Variants in TMC1 observed in about 807,000 individuals in gnomAD.
TMC1 encodes the protein transmembrane channel like 1, also known as transmembrane channel-like protein 1.
In TMC1, 84 loss-of-function variants were observed where a neutral mutation model predicts 105.8. The ratio of observed to expected loss-of-function variants is 0.79; its 90% CI spans 0.67 to 0.95. The LOEUF (loss-of-function observed/expected upper bound fraction) is 0.95. Ranked by LOEUF, TMC1 falls within the 40% of genes least tolerant of loss-of-function variation. The probability of loss-of-function intolerance (pLI) is 0.00; values close to 1 mark genes in which losing one functional copy is unlikely to be tolerated. For missense variants in TMC1, 817 were observed against 914.1 expected (o/e 0.89, Z 1.37); for synonymous variants, 315 against 311.5 (o/e 1.01, Z -0.12).
intron 2 of TMC1, among the ~76,000 whole-genome samples, chr9:72,581,917 A>G (rs1344546172): frequency 6.6e-6 from 1 of 152,176 alleles, no homozygotes; most frequent in African/African-American, 2.4e-5. Context: ...AAACAGTGCT[A>G]TCAGTTTTCA....
chr9:72,575,048 C>G (rs1195191135), intron 1 of TMC1, among the ~76,000 whole-genome samples: 1 of 152,112 alleles, frequency 6.6e-6, no homozygotes, highest in Non-Finnish European at 1.5e-5. Flanking sequence ...CATGCTTTCC[C>G]TCCCAGCCCC....
At chr9:72,574,911 C>T (rs1398404035) in intron 1 of TMC1, among the ~76,000 whole-genome samples, 1 of 152,108 alleles carries the variant, frequency 6.6e-6, no homozygotes, top group Non-Finnish European at 1.5e-5. Context: ...GCTTAGGCTC[C>T]TAGAAAGTCA....
At chr9:72,825,702 G>T (rs1188434148) in intron 20 of TMC1, among the ~76,000 whole-genome samples, 1 of 152,142 alleles carries the variant, frequency 6.6e-6, no homozygotes, top group Non-Finnish European at 1.5e-5. Context: ...ATTCCATCTG[G>T]CTGGGGCTGC....
In TMC1 at chr9:72,620,065, C is replaced by T. The variant is rs140271856; in HGVS notation, c.-196+3588C>T. Among the ~76,000 whole-genome samples the T allele has an allele frequency of 1.1e-3, 165 of 151,968 alleles. 1 individual carries two copies. The highest frequency in any genetic ancestry group is 3.7e-3 in the African/African-American group (154 of 41,426). ...GGCCAGGATAGTCTCAATCTCTTGA[C>T]CTTGGAATCCACCCACCTCACCCTC... On this transcript the variant is annotated intron_variant, in intron 3 of 23. Transcript: ENST00000297784.
At chr9:72,673,929 G>A (rs1826163620) in intron 5 of TMC1, among the ~76,000 whole-genome samples, 1 of 152,116 alleles carries the variant, frequency 6.6e-6, no homozygotes, top group Non-Finnish European at 1.5e-5. Flanking sequence ...TGAGGCCAGT[G>A]CTACTCTATC....
intron 18 of TMC1, among the ~76,000 whole-genome samples, chr9:72,806,753 G>C (rs1468114053): frequency 6.6e-6 from 1 of 150,774 alleles, no homozygotes; most frequent in Non-Finnish European, 1.5e-5. Flanking sequence ...GATGGCGGCC[G>C]GGCGGAGACG....
At chr9:72,552,977 A>G (rs1474170917) in intron 1 of TMC1, among the ~76,000 whole-genome samples, 6 of 152,006 alleles carry the variant, frequency 3.9e-5, no homozygotes. Flanking sequence ...AATTATATAT[A>G]TAATTTTTTT....
chr9:72,560,591 C>T (rs1824027278), intron 1 of TMC1, among the ~76,000 whole-genome samples: 2 of 152,038 alleles, frequency 1.3e-5, no homozygotes, highest in South Asian at 2.1e-4. Context: ...CTCTGCCTCC[C>T]GGGTTCAAGT....
chr9:72,719,099 A>G (rs1826971580), intron 8 of TMC1, among the ~76,000 whole-genome samples: 1 of 152,170 alleles, frequency 6.6e-6, no homozygotes, highest in African/African-American at 2.4e-5. Context: ...AGTAGGGCTG[A>G]GAACTTGCCC....
intron 5 of TMC1, among the ~76,000 whole-genome samples, chr9:72,683,357 G>A (rs1185297861): frequency 6.6e-6 from 1 of 151,970 alleles, no homozygotes; most frequent in Non-Finnish European, 1.5e-5. Context: ...GCATACACAT[G>A]TGTAATTTTC....
At chr9:72,587,303 C>T (rs1436669991) in intron 2 of TMC1, among the ~76,000 whole-genome samples, 1 of 152,050 alleles carries the variant, frequency 6.6e-6, no homozygotes, top group Non-Finnish European at 1.5e-5. Flanking sequence ...GGATTACAGG[C>T]ATGCGCCACC....
intron 4 of TMC1, among the ~76,000 whole-genome samples, chr9:72,640,120 T>TTGTGAC (rs1326868645): frequency 2.0e-5 from 3 of 152,238 alleles, no homozygotes; most frequent in Non-Finnish European, 4.4e-5. Flanking sequence ...GGTAATGTCT[T>TTGTGAC]TGTGACTGTC....
chr9:72,800,459 T>C (rs940638959), intron 17 of TMC1, among the ~76,000 whole-genome samples: 4 of 152,210 alleles, frequency 2.6e-5, no homozygotes, highest in Non-Finnish European at 5.9e-5. Flanking sequence ...GAGTAGGATC[T>C]GGGCTGGCCA....
chr9:72,733,179 A>G (rs1278649012), intron 8 of TMC1, among the ~76,000 whole-genome samples: 1 of 149,354 alleles, frequency 6.7e-6, no homozygotes, highest in Non-Finnish European at 1.5e-5. Context: ...TCTACAGATT[A>G]TCTTCTGCTT....
rs768044919 is a variant in TMC1 at position 72,746,141 on chromosome 9, C to T, written c.535+3616C>T. Among the ~76,000 whole-genome samples the T allele has an allele frequency of 3.7e-4, 57 of 152,240 alleles. 1 individual carries two copies. The highest frequency in any genetic ancestry group is 3.4e-3 in the Middle Eastern group (1 of 292). ...ATAGAATACATATTTAATTATAAAA[C>T]GGATATAAATGCTTTTCTCTTAAAT... On this transcript the variant is annotated intron_variant, in intron 10 of 23. Coordinates refer to ENST00000297784, the MANE Select transcript of TMC1 (RefSeq NM_138691.3).
Position 72,628,033 on chromosome 9 carries a change from G to C in TMC1, c.-83G>C, listed in dbSNP as rs1413443032. The C allele has an allele frequency of 4.4e-6, 2 of 455,626 alleles. No individual in the cohort carries two copies. The highest frequency in any genetic ancestry group is 4.0e-5 in the African/African-American group (2 of 50,006). 28.2% of individuals were successfully genotyped at this position (455,626 alleles called of 1,614,324 possible). ...AGGAACTGTCCACGTGGAGTGGTCTGGTGAATGCTTAAGGAGCTGCAGAAG... is the reference window on the plus strand; with the variant it reads ...AGGAACTGTCCACGTGGAGTGGTCTCGTGAATGCTTAAGGAGCTGCAGAAG... On this transcript the variant is annotated 5_prime_UTR_variant, in exon 4 of 24. Coordinates refer to ENST00000297784, the MANE Select transcript of TMC1 (RefSeq NM_138691.3).
intron 1 of TMC1, among the ~76,000 whole-genome samples, chr9:72,541,718 C>T (rs776712971): frequency 1.3e-5 from 2 of 150,938 alleles, no homozygotes; most frequent in Non-Finnish European, 2.9e-5. Flanking sequence ...AGAAGCTTTC[C>T]AGGGTGGTCT....
chr9:72,827,264 G>C (rs982426954), intron 21 of TMC1, among the ~76,000 whole-genome samples: 49 of 152,150 alleles, frequency 3.2e-4, no homozygotes, highest in African/African-American at 1.2e-3. Flanking sequence ...TCCATAAACA[G>C]CTAAAGCAAG....
At chr9:72,664,599 G>C (rs150657231) in intron 5 of TMC1, among the ~76,000 whole-genome samples, 128 of 152,212 alleles carry the variant, frequency 8.4e-4, no homozygotes, top group African/African-American at 2.9e-3. Context: ...AGAAGAGAAG[G>C]AGCATCTGAA....
Sources: allele counts gnomAD v4.1 joint callset (sites outside exome capture counted in the v4.1 genomes callset), GRCh38; gene constraint gnomAD v4.1.1; transcripts MANE v1.5; gene names NCBI Gene and HGNC (gene_info 2026-07-23, HGNC 2026-07-21).